Variants in ZNF831 observed in about 807,000 individuals in gnomAD.
ZNF831 encodes the protein zinc finger protein 831, also known as chromosome 20 open reading frame 174.
In ZNF831, 59 loss-of-function variants were observed where a neutral mutation model predicts 95.8. The ratio of observed to expected loss-of-function variants is 0.62; its 90% CI spans 0.50 to 0.77. The LOEUF is 0.77. Among genes scored for constraint, ZNF831 ranks in the 30% least tolerant of loss-of-function variants. The pLI is 0.00. For missense variants in ZNF831, 2,205 were observed against 2,164.0 expected, an observed-to-expected ratio of 1.02 and a Z score of -0.38; for synonymous variants, 961 against 925.5, an observed-to-expected ratio of 1.04 and a Z score of -0.70.
chr20:59,135,959 G>C (rs1224904110), intron 1 of ZNF831, among the ~76,000 whole-genome samples: 1 of 152,134 alleles, frequency 6.6e-6, no homozygotes, highest in Non-Finnish European at 1.5e-5. Context: ...GGGCAACGGA[G>C]CAAGACCCTG....
At chr20:59,242,875 G>T (rs2146729641) in intron 4 of ZNF831, among the ~76,000 whole-genome samples, 1 of 152,256 alleles carries the variant, frequency 6.6e-6, no homozygotes, top group South Asian at 2.1e-4. Flanking sequence ...CCTCAGGCTG[G>T]TCACCTCAGA....
chr20:59,129,343 T>A (rs1281958529), intron 1 of ZNF831, among the ~76,000 whole-genome samples: 3 of 152,126 alleles, frequency 2.0e-5, no homozygotes, highest in Non-Finnish European at 4.4e-5. Context: ...GACACAGAAC[T>A]GGGCCTGGTG....
intron 1 of ZNF831, among the ~76,000 whole-genome samples, chr20:59,144,985 G>A (rs532169265): frequency 2.2e-4 from 33 of 152,318 alleles, no homozygotes; most frequent in African/African-American, 5.5e-4. Flanking sequence ...CCCCATGCAC[G>A]GGCAGGAGCA....
chr20:59,247,903 G>C (rs1987700802), intron 4 of ZNF831, among the ~76,000 whole-genome samples: 1 of 152,218 alleles, frequency 6.6e-6, no homozygotes, highest in Non-Finnish European at 1.5e-5. Flanking sequence ...GCTGGAAGAA[G>C]ATTTGGCATT....
intron 4 of ZNF831, among the ~76,000 whole-genome samples, chr20:59,213,764 A>AAGGG (rs1985497265): frequency 1.3e-5 from 2 of 152,194 alleles, no homozygotes; most frequent in Non-Finnish European, 2.9e-5. Context: ...ATGGCAGTGG[A>AAGGG]GTAACCGCAA....
rs888364684 is a variant in ZNF831 at position 59,208,422 on chromosome 20, T to C, written c.4027+1366T>C. Among the ~76,000 whole-genome samples the C allele has an allele frequency of 2.0e-5, 3 of 152,338 alleles. No individual in the cohort carries two copies. The highest frequency in any genetic ancestry group is 4.4e-5 in the Non-Finnish European group (3 of 68,028). On this transcript the variant is annotated intron_variant, in intron 4 of 5. Coordinates refer to ENST00000371030, the MANE Select transcript of ZNF831 (RefSeq NM_178457.3). This position sits in a 1 kb window ranked among gnomAD's most constrained non-coding sequence, Gnocchi z 4.2. ...TCTCTGCTTTCTCGTTGGGCCGTCC[T>C]GTGACAGGCACAGGTGCCATCGATA...
intron 1 of ZNF831, among the ~76,000 whole-genome samples, chr20:59,137,015 C>T (rs1979530857): frequency 6.6e-6 from 1 of 152,188 alleles, no homozygotes; most frequent in Non-Finnish European, 1.5e-5. Flanking sequence ...GCACCTTGGA[C>T]TATGTGGGCA....
intron 4 of ZNF831, among the ~76,000 whole-genome samples, chr20:59,230,762 G>A (rs920079726): frequency 2.0e-5 from 3 of 152,208 alleles, no homozygotes; most frequent in African/African-American, 7.2e-5. Flanking sequence ...TTAGGAACTA[G>A]GCTAAAGTTT....
chr20:59,194,191 C>A lies in ZNF831; in HGVS notation c.3172C>A (p.Pro1058Thr), dbSNP rs1173301104. 1 of 1,606,776 alleles carries A rather than the reference C, an allele frequency of 6.2e-7. No individual in the cohort carries two copies. The highest frequency in any genetic ancestry group is 8.5e-7 in the Non-Finnish European group (1 of 1,175,988). Residue 1058 changes from proline (P) to threonine (T), a missense_variant, in exon 2 of 6, where the codon CCA (proline) becomes ACA (threonine). Transcript: ENST00000371030. ...PREATSSPPTPTCEAHLVQDM... is the reference protein window; with the variant it reads ...PREATSSPPTTTCEAHLVQDM... The stretch of plus-strand genomic sequence containing the variant: ...GGAGGCTACCTCCTCCCCGCCCACT[C>A]CAACGTGTGAGGCACACTTAGTTCA...
intron 4 of ZNF831, among the ~76,000 whole-genome samples, chr20:59,238,282 T>G (rs1248133434): frequency 6.6e-6 from 1 of 152,206 alleles, no homozygotes; most frequent in Non-Finnish European, 1.5e-5. Flanking sequence ...CTGGGCCTTC[T>G]GTTTTTCAAA....
chr20:59,223,705 C>A (rs565635006), intron 4 of ZNF831, among the ~76,000 whole-genome samples: 5 of 152,184 alleles, frequency 3.3e-5, no homozygotes, highest in Non-Finnish European at 7.3e-5. Flanking sequence ...AATCATATAA[C>A]CTTGGCTGTT....
chr20:59,183,860 G>A (rs948017898), intron 1 of ZNF831, among the ~76,000 whole-genome samples: 1 of 152,180 alleles, frequency 6.6e-6, no homozygotes, highest in Non-Finnish European at 1.5e-5. Flanking sequence ...GCAAATGAGG[G>A]TGGTGCATTG....
intron 3 of ZNF831, among the ~76,000 whole-genome samples, chr20:59,198,193 C>A (rs931666085): frequency 2.6e-5 from 4 of 152,212 alleles, no homozygotes; most frequent in Non-Finnish European, 5.9e-5. Context: ...CACTCCAGGA[C>A]ACCTTGCAAA....
At chr20:59,157,887 A>C (rs906274685) in intron 2 of ZNF831, among the ~76,000 whole-genome samples, 1 of 152,210 alleles carries the variant, frequency 6.6e-6, no homozygotes, top group African/African-American at 2.4e-5. Context: ...AACTCCTTAC[A>C]TAAGAAACTT....
At chr20:59,172,532 T>C (rs752920513) in intron 1 of ZNF831, among the ~76,000 whole-genome samples, 5 of 152,186 alleles carry the variant, frequency 3.3e-5, no homozygotes, top group Non-Finnish European at 7.4e-5. Flanking sequence ...TCTTGAGGCA[T>C]GCCGCTGGGA....
chr20:59,123,939 G>A (rs1021476469), intron 1 of ZNF831, among the ~76,000 whole-genome samples: 33 of 152,206 alleles, frequency 2.2e-4, no homozygotes, highest in Admixed American at 6.5e-5. Flanking sequence ...ACAGTTGAAA[G>A]GATATTAAAG....
intron 3 of ZNF831, among the ~76,000 whole-genome samples, chr20:59,196,234 G>A (rs948582265): frequency 1.3e-5 from 2 of 152,118 alleles, no homozygotes; most frequent in African/African-American, 4.8e-5. Flanking sequence ...GAAATAACTG[G>A]GTTGAAAACA....
intron 1 of ZNF831, among the ~76,000 whole-genome samples, chr20:59,174,571 CG>C (rs890453348): frequency 2.0e-5 from 3 of 152,038 alleles, no homozygotes; most frequent in Admixed American, 2.0e-4. Flanking sequence ...AAAACTTGCT[CG>C]GGAGTGTTGG....
intron 4 of ZNF831, 128 bp from the exon 5 acceptor site, chr20:59,252,850 A>G (rs1395930769): frequency 2.1e-6 from 2 of 943,740 alleles, no homozygotes; most frequent in Non-Finnish European, 3.0e-6. Context: ...GAGTTCTTGC[A>G]CACACCCTGT....
Sources: allele counts gnomAD v4.1 joint callset (sites outside exome capture counted in the v4.1 genomes callset), GRCh38; gene constraint gnomAD v4.1.1; non-coding constraint Gnocchi (gnomAD v3.1); transcripts MANE v1.5; gene names NCBI Gene and HGNC (gene_info 2026-07-23, HGNC 2026-07-21).